PCMTD1: variants seen among roughly 807,000 people sequenced by gnomAD.
PCMTD1 encodes protein-L-isoaspartate O-methyltransferase domain-containing protein 1.
Under a neutral mutation model 37.6 loss-of-function variants are expected in PCMTD1, and 12 were observed. That is an observed-to-expected ratio of 0.32 (90% CI 0.20 to 0.52). PCMTD1 has a LOEUF of 0.52. PCMTD1 is among the 20% of genes least tolerant of loss of function. The pLI, the probability that PCMTD1 is intolerant of heterozygous loss-of-function variation, is 0.97. For missense variants in PCMTD1, 235 were observed against 421.3 expected, an observed-to-expected ratio of 0.56 and a Z score of 3.87; for synonymous variants, 117 against 135.8, an observed-to-expected ratio of 0.86 and a Z score of 0.96.
In PCMTD1 at chr8:51,818,461, G is replaced by C. The variant is rs2037793956; in HGVS notation, c.*1890C>G. The C allele has an allele frequency of 1.3e-5, 2 of 150,408 alleles. No individual in the cohort carries two copies. The highest frequency in any genetic ancestry group is 4.9e-5 in the African/African-American group (2 of 40,930). 9.3% of individuals were successfully genotyped at this position (150,408 alleles called of 1,614,324 possible). ...GAGATGGGACAGATAACTTTCTCCA[G>C]GTTTTCCAGATAAAAACATGTGGTC... is the stretch of plus-strand genomic sequence containing the variant. On this transcript the variant is annotated 3_prime_UTR_variant, in exon 6 of 6. Transcript: ENST00000522514.
intron 5 of PCMTD1, among the ~76,000 whole-genome samples, chr8:51,824,108 C>G (rs1406964001): frequency 6.6e-6 from 1 of 152,106 alleles, no homozygotes; most frequent in Non-Finnish European, 1.5e-5. Context: ...TGGGCAAAAA[C>G]TGGAAGCATT....
intron 3 of PCMTD1, 33 bp downstream of exon 3, chr8:51,845,628 T>C (rs747494500): frequency 2.6e-6 from 4 of 1,521,584 alleles, no homozygotes; most frequent in Non-Finnish European, 3.6e-6. Flanking sequence ...TATTAAGTGA[T>C]TTTAAACCAA....
intron 2 of PCMTD1, 110 bp downstream of exon 2, chr8:51,860,735 T>A (rs9298466): frequency 0.83 from 745,156 of 898,576 alleles, 323,233 homozygotes; most frequent in Non-Finnish European, 0.9. Context: ...ACCTACACTG[T>A]GTATACACAT....
rs575252716 is a variant in PCMTD1, at chr8:51,826,721, T to G, written c.706+4723A>C. Among the ~76,000 whole-genome samples, 7 of 152,252 alleles carry G rather than the reference T, an allele frequency of 4.6e-5. No homozygotes were observed. The South Asian group carries it at 1.5e-3, about 32-fold the overall frequency. Reference sequence around the variant, plus strand: ...ATATAAAACTAATGATTTGGGGGTCTTTTATGACCTTCAAAAACAGCAACT... The same window carrying G: ...ATATAAAACTAATGATTTGGGGGTCGTTTATGACCTTCAAAAACAGCAACT... On this transcript the variant is annotated intron_variant, in intron 5 of 5. Coordinates refer to ENST00000522514, the MANE Select transcript of PCMTD1 (RefSeq NM_052937.4).
intron 3 of PCMTD1, among the ~76,000 whole-genome samples, chr8:51,834,474 A>T (rs887750348): frequency 2.6e-5 from 4 of 152,210 alleles, no homozygotes; most frequent in African/African-American, 9.6e-5. Flanking sequence ...TAAAACTGAA[A>T]ACAGGCTCTA....
At chr8:51,861,328 T>A in intron 1 of PCMTD1, 82 bp from the exon 2 acceptor site, 1 of 969,340 alleles carries the variant, frequency 1.0e-6, no homozygotes, top group South Asian at 2.1e-5. Flanking sequence ...TATGTCATTA[T>A]AATTAACTAC....
chr8:51,868,555 TA>T (rs2038592802), intron 1 of PCMTD1, among the ~76,000 whole-genome samples: 1 of 152,036 alleles, frequency 6.6e-6, no homozygotes, highest in African/African-American at 2.4e-5. Flanking sequence ...CAAGTAAAGG[TA>T]AAATTAAAGG....
rs574142356 is a variant in PCMTD1 at position 51,894,117 on chromosome 8, G to T, written c.-96+4813C>A. 1.4e-4 allele frequency among the ~76,000 whole-genome samples: 22 copies of T among 152,250 alleles called. No individual in the cohort carries two copies. The South Asian group carries it at 1.7e-3, about 11-fold the overall frequency. ...GAGGTGGGGGCTCTAGGGAAATACG[G>T]TGTACGCTGTATAAACTAGACTTTT... is the stretch of plus-strand genomic sequence containing the variant. On this transcript the variant is annotated intron_variant, in intron 1 of 5. Transcript: ENST00000522514.
intron 2 of PCMTD1, among the ~76,000 whole-genome samples, chr8:51,855,349 G>C (rs528773954): frequency 2.7e-5 from 4 of 147,980 alleles, no homozygotes; most frequent in African/African-American, 1.0e-4. Flanking sequence ...CCAACATGGC[G>C]AAACCCCGTC....
chr8:51,847,084 G>C (rs1053596569), intron 2 of PCMTD1, among the ~76,000 whole-genome samples: 5 of 152,096 alleles, frequency 3.3e-5, no homozygotes, highest in Non-Finnish European at 5.9e-5. Flanking sequence ...TGAACTCTTA[G>C]CCTTCAACTG....
At position 51,817,653 on chromosome 8, in the gene PCMTD1, C is replaced by T. The variant is rs560109382; in HGVS notation, c.*2698G>A. On this transcript the variant is annotated 3_prime_UTR_variant, in exon 6 of 6. Coordinates refer to ENST00000522514, the MANE Select transcript of PCMTD1 (RefSeq NM_052937.4). ...CAATGATTTAACAGGCTTTGCTTCACTTTTATCATCTCAAACAGCTATAAA... is the reference window on the plus strand; with the variant it reads ...CAATGATTTAACAGGCTTTGCTTCATTTTTATCATCTCAAACAGCTATAAA... 1.1e-4 allele frequency: 23 copies of T among 211,580 alleles called. No individual in the cohort carries two copies. In the South Asian group the frequency reaches 1.4e-3, roughly 13 times the overall value. 13.1% of individuals were successfully genotyped at this position (211,580 alleles called of 1,614,324 possible). A position where few individuals can be genotyped will look rare whatever the true frequency, so the allele number is the denominator to read the frequency against.
At chr8:51,881,536 T>A (rs749781447) in intron 1 of PCMTD1, among the ~76,000 whole-genome samples, 1 of 152,236 alleles carries the variant, frequency 6.6e-6, no homozygotes, top group Non-Finnish European at 1.5e-5. Context: ...TATATTTACA[T>A]CTACAGACAG....
At chr8:51,865,915 T>C (rs1426800660) in intron 1 of PCMTD1, among the ~76,000 whole-genome samples, 2 of 151,796 alleles carry the variant, frequency 1.3e-5, no homozygotes. Flanking sequence ...TGCAGAAAAT[T>C]GTAAAGACCC....
At chr8:51,876,404 A>G (rs945514809) in intron 1 of PCMTD1, among the ~76,000 whole-genome samples, 1 of 149,160 alleles carries the variant, frequency 6.7e-6, no homozygotes, top group East Asian at 2.0e-4. Flanking sequence ...ACAAAAAAAA[A>G]TAGAAAACTG....
intron 1 of PCMTD1, among the ~76,000 whole-genome samples, chr8:51,862,723 G>A (rs1023704823): frequency 2.6e-5 from 4 of 152,138 alleles, no homozygotes; most frequent in Non-Finnish European, 4.4e-5. Flanking sequence ...CCCTAACACA[G>A]CCTATCATAT....
intron 5 of PCMTD1, among the ~76,000 whole-genome samples, chr8:51,824,226 A>G (rs11786382): frequency 0.71 from 108,378 of 152,160 alleles, 43,512 homozygotes; most frequent in Non-Finnish European, 0.9. Context: ...GAAATAAAGC[A>G]TAGTCAAATA....
intron 1 of PCMTD1, among the ~76,000 whole-genome samples, chr8:51,882,415 G>C (rs74895312): frequency 6.6e-4 from 101 of 152,188 alleles, no homozygotes; most frequent in Non-Finnish European, 7.5e-4. Flanking sequence ...GACTTTTAGG[G>C]GGACATGAAC....
intron 1 of PCMTD1, among the ~76,000 whole-genome samples, chr8:51,896,979 T>C (rs2039011127): frequency 6.6e-6 from 1 of 152,088 alleles, no homozygotes; most frequent in Non-Finnish European, 1.5e-5. Context: ...ATTTATGTTG[T>C]TATGAGAAAT....
At chr8:51,852,175 G>A (rs1260410478) in intron 2 of PCMTD1, among the ~76,000 whole-genome samples, 1 of 152,194 alleles carries the variant, frequency 6.6e-6, no homozygotes, top group Non-Finnish European at 1.5e-5. Flanking sequence ...AATTTCAAGG[G>A]TAGGAGATGT....
Sources: gnomAD v4.1 joint callset for allele counts (sites outside exome capture counted in the v4.1 genomes callset) on GRCh38, gnomAD v4.1.1 for gene constraint, MANE v1.5 for transcripts, NCBI Gene and HGNC (gene_info 2026-07-23, HGNC 2026-07-21) for gene names.